The following TINAG variants were observed in gnomAD, a reference collection of about 807,000 sequenced individuals.
TINAG encodes tubulointerstitial nephritis antigen.
In TINAG, 83 loss-of-function variants were observed where a neutral mutation model predicts 72.7. The observed-to-expected ratio is 1.14, with a 90% CI of 0.96 to 1.37. The LOEUF (loss-of-function observed/expected upper bound fraction) is 1.37, where lower values mean the gene tolerates loss of function less well. Among genes scored for constraint, TINAG ranks in the 40% most tolerant of loss-of-function variants. TINAG has a pLI of 0.00. For synonymous variants in TINAG, 234 were observed against 189.9 expected, an observed-to-expected ratio of 1.23 and a Z score of -1.91; for missense variants, 685 against 576.6, an observed-to-expected ratio of 1.19 and a Z score of -1.93.
rs116375964 is a variant in TINAG, at chr6:54,338,056, C to T, written c.625-5170C>T. Among the ~76,000 whole-genome samples the T allele has an allele frequency of 8.8e-3, 1,346 of 152,262 alleles. 21 individuals are homozygous for T. The highest frequency in any genetic ancestry group is 0.031 in the African/African-American group (1,279 of 41,556). On this transcript the variant is annotated intron_variant, in intron 4 of 10. Coordinates refer to ENST00000259782, the MANE Select transcript of TINAG (RefSeq NM_014464.4). ...GTCTCTCTCAGAATGGAACCTCACA[C>T]CCTTCGGTAAACTTAGAAAATATAC...
chr6:54,315,388 G>T (rs1413086691), intron 1 of TINAG, among the ~76,000 whole-genome samples: 1 of 151,978 alleles, frequency 6.6e-6, no homozygotes, highest in African/African-American at 2.4e-5. Context: ...CAAATGTCAG[G>T]CTGGGTGTGG....
At chr6:54,322,272 C>A (rs533020514) in intron 3 of TINAG, among the ~76,000 whole-genome samples, 24 of 152,092 alleles carry the variant, frequency 1.6e-4, no homozygotes, top group African/African-American at 5.5e-4. Flanking sequence ...TGCGCCACTG[C>A]ACTCCAGCAT....
chr6:54,383,777 C>A (rs1234470631), intron 10 of TINAG, among the ~76,000 whole-genome samples: 1 of 151,970 alleles, frequency 6.6e-6, no homozygotes, highest in Non-Finnish European at 1.5e-5. Context: ...TTAGTTCAAC[C>A]ATTGTGGAAG....
chr6:54,324,120 A>T (rs1027961095), intron 3 of TINAG, among the ~76,000 whole-genome samples: 1 of 152,156 alleles, frequency 6.6e-6, no homozygotes, highest in Non-Finnish European at 1.5e-5. Flanking sequence ...ATAAAGGGAG[A>T]TATATAAGTG....
At position 54,343,308 on chromosome 6, in the gene TINAG, A is replaced by G. The variant is rs762428216; in HGVS notation, c.707A>G (p.Asp236Gly). ...KWPGWTHGPLDQKNCAASWAF... is the reference protein window; with the variant it reads ...KWPGWTHGPLGQKNCAASWAF... ...CCTGGATGGACTCATGGCCCATTGGATCAAAAAAATTGTGCTGCATCCTGG... is the reference window on the plus strand; with the variant it reads ...CCTGGATGGACTCATGGCCCATTGGGTCAAAAAAATTGTGCTGCATCCTGG... The change falls in exon 5 of 11, where the codon GAT (aspartate) becomes GGT (glycine). Residue 236 changes from aspartate to glycine, a missense_variant. Asp to Gly is a moderately conservative substitution (Grantham distance 94). Transcript: ENST00000259782. 6 of 1,568,574 alleles carry G rather than the reference A, an allele frequency of 3.8e-6. No individual in the cohort carries two copies. The highest frequency in any genetic ancestry group is 5.2e-6 in the Non-Finnish European group (6 of 1,155,328).
chr6:54,366,847 G>A (rs559982547), intron 9 of TINAG, among the ~76,000 whole-genome samples: 23 of 151,660 alleles, frequency 1.5e-4, no homozygotes, highest in African/African-American at 4.6e-4. Flanking sequence ...AATATGAGCA[G>A]GAAATGCCTA....
At chr6:54,335,916 C>T (rs1784855057) in intron 4 of TINAG, among the ~76,000 whole-genome samples, 1 of 152,098 alleles carries the variant, frequency 6.6e-6, no homozygotes, top group Non-Finnish European at 1.5e-5. Context: ...TTTCCATGCA[C>T]CTCCTTCCAT....
At chr6:54,327,745 C>A (rs997182993) in intron 4 of TINAG, among the ~76,000 whole-genome samples, 1 of 152,168 alleles carries the variant, frequency 6.6e-6, no homozygotes, top group South Asian at 2.1e-4. Context: ...TGAAATTGAC[C>A]TGGGACACTC....
At chr6:54,323,037 C>T (rs895073334) in intron 3 of TINAG, among the ~76,000 whole-genome samples, 3 of 152,210 alleles carry the variant, frequency 2.0e-5, no homozygotes, top group Non-Finnish European at 2.9e-5. Flanking sequence ...GTTGGGAATG[C>T]TATTAGGTTG....
At chr6:54,383,174 T>C (rs1366559476) in intron 10 of TINAG, among the ~76,000 whole-genome samples, 2 of 152,150 alleles carry the variant, frequency 1.3e-5, no homozygotes, top group African/African-American at 4.8e-5. Flanking sequence ...ATTGTCAAGG[T>C]ATGCGAAGAG....
intron 1 of TINAG, among the ~76,000 whole-genome samples, chr6:54,315,982 G>A (rs1469112303): frequency 2.6e-5 from 4 of 152,126 alleles, no homozygotes; most frequent in South Asian, 2.1e-4. Context: ...ACTTTGCCAC[G>A]TATACTGACA....
chr6:54,382,018 C>T (rs1298052855), intron 10 of TINAG, among the ~76,000 whole-genome samples: 1 of 152,064 alleles, frequency 6.6e-6, no homozygotes, highest in East Asian at 1.9e-4. Context: ...CACACACATA[C>T]ACATACGCTG....
At chr6:54,348,166 C>T (rs1876606) in intron 6 of TINAG, among the ~76,000 whole-genome samples, 58,152 of 151,870 alleles carry the variant, frequency 0.38, 13,346 homozygotes, top group Middle Eastern at 0.55. Context: ...CTTCATCATC[C>T]ACTCAGTGCT....
At chr6:54,337,515 A>G (rs1784895460) in intron 4 of TINAG, among the ~76,000 whole-genome samples, 1 of 152,020 alleles carries the variant, frequency 6.6e-6, no homozygotes, top group South Asian at 2.1e-4. Context: ...CGGCCTCCCA[A>G]AATGCTGGGA....
At chr6:54,367,451 G>A (rs1186056153) in intron 9 of TINAG, among the ~76,000 whole-genome samples, 3 of 151,846 alleles carry the variant, frequency 2.0e-5, no homozygotes, top group Non-Finnish European at 2.9e-5. Flanking sequence ...TCTAATAGTG[G>A]AGACAGCTAC....
At chr6:54,353,392 C>T (rs1339341483) in intron 8 of TINAG, among the ~76,000 whole-genome samples, 1 of 151,768 alleles carries the variant, frequency 6.6e-6, no homozygotes, top group Non-Finnish European at 1.5e-5. Context: ...CGGCATTTCC[C>T]CTGTCTCAGT....
intron 9 of TINAG, among the ~76,000 whole-genome samples, chr6:54,368,667 G>A (rs184209211): frequency 2.0e-5 from 3 of 151,190 alleles, no homozygotes; most frequent in Non-Finnish European, 3.0e-5. Context: ...GGTATTGCAC[G>A]CATTGCTTCA....
chr6:54,336,507 C>A lies in TINAG; in HGVS notation c.625-6719C>A, dbSNP rs188812484. Reference sequence around the variant, plus strand: ...CTTTGTACCTGATTGTTCTTCCAGACATAATGTTCAAGTGCTTGTGAATTT... The same window carrying A: ...CTTTGTACCTGATTGTTCTTCCAGAAATAATGTTCAAGTGCTTGTGAATTT... On this transcript the variant is annotated intron_variant, in intron 4 of 10. Transcript: ENST00000259782. 2.6e-5 allele frequency among the ~76,000 whole-genome samples: 4 copies of A among 152,222 alleles called. No individual in the cohort carries two copies. The East Asian group carries it at 7.7e-4, about 29-fold the overall frequency.
chr6:54,321,223 G>A, intron 2 of TINAG, 74 bp from the exon 3 acceptor site: 1 of 1,108,604 alleles, frequency 9.0e-7, no homozygotes. Flanking sequence ...CCTTAACAAT[G>A]TATAACTCTT....
Sources: allele counts gnomAD v4.1 joint callset (sites outside exome capture counted in the v4.1 genomes callset), GRCh38; gene constraint gnomAD v4.1.1; transcripts MANE v1.5; gene names NCBI Gene and HGNC (gene_info 2026-07-23, HGNC 2026-07-21).